SCYL3: variants seen among roughly 807,000 people sequenced by gnomAD.
SCYL3 encodes the protein protein-associating with the carboxyl-terminal domain of ezrin.
In SCYL3, 35 loss-of-function variants were observed where a neutral mutation model predicts 73.8. The ratio of observed to expected loss-of-function variants is 0.47; its 90% CI spans 0.36 to 0.63. The LOEUF is 0.63. SCYL3 is among the 20% of genes least tolerant of loss of function. The pLI, the probability that SCYL3 is intolerant of heterozygous loss-of-function variation, is 0.00. For missense variants in SCYL3, 712 were observed against 798.9 expected (o/e 0.89, Z 1.31); for synonymous variants, 277 against 295.2 (o/e 0.94, Z 0.63).
Position 169,893,863 on chromosome 1 carries a change from C to A in SCYL3, c.-126G>T, listed in dbSNP as rs1381682015. The A allele has an allele frequency of 6.5e-6, 1 of 153,198 alleles. No individual in the cohort carries two copies. Among genetic ancestry groups the A allele is most frequent in the Non-Finnish European group, 1.5e-5 (1 of 68,870 alleles). The allele number at this position is 153,198 out of a possible 1,614,324, so 9.5% of individuals were successfully genotyped here. On this transcript the variant is annotated 5_prime_UTR_variant, in exon 1 of 13. Transcript: ENST00000367771. ...TGTTGGCCCCCCTGTTGACACCAAC[C>A]ACCCCTGCCTGCCTGTAAGGCTGTG...
At position 169,887,464 on chromosome 1, in the gene SCYL3, G is replaced by A. The variant is rs191652481; in HGVS notation, c.165+1212C>T. ...AAGAAAGATAAGTCTCTAGTACCTC[G>A]CCGATAATAGTTTATTAAAAAAAAT... On this transcript the variant is annotated intron_variant, in intron 2 of 12. Transcript: ENST00000367771. Among the ~76,000 whole-genome samples the A allele has an allele frequency of 4.2e-3, 639 of 152,020 alleles. 4 individuals are homozygous for A. The highest frequency in any genetic ancestry group is 0.014 in the African/African-American group (567 of 41,448).
At chr1:169,867,190 A>C (rs1229110303) in intron 7 of SCYL3, among the ~76,000 whole-genome samples, 1 of 152,240 alleles carries the variant, frequency 6.6e-6, no homozygotes, top group Non-Finnish European at 1.5e-5. Flanking sequence ...TGTGACGAGG[A>C]TACAAGTTTA....
chr1:169,887,710 C>T (rs756914164), intron 2 of SCYL3, among the ~76,000 whole-genome samples: 1 of 152,138 alleles, frequency 6.6e-6, no homozygotes, highest in Non-Finnish European at 1.5e-5. Flanking sequence ...CCACGCATCT[C>T]GAGAGAACTG....
Position 169,852,667 on chromosome 1 carries a change from TCCTCCTAC to T in SCYL3, c.*1038_*1045del. ...GACTGTGTAGGGGTTTTGGGGTGCA[TCCTCCTAC>T]CCTTGTGATCCAATGACTAGAATAA... On this transcript the variant is annotated 3_prime_UTR_variant, in exon 13 of 13. Coordinates refer to ENST00000367771, the MANE Select transcript of SCYL3 (RefSeq NM_020423.7). 1 of 1,021,904 alleles carries T rather than the reference TCCTCCTAC, an allele frequency of 9.8e-7. No individual in the cohort carries two copies. The highest frequency in any genetic ancestry group is 1.4e-6 in the Non-Finnish European group (1 of 697,620). 63.3% of individuals were successfully genotyped at this position (1,021,904 alleles called of 1,614,324 possible).
intron 7 of SCYL3, among the ~76,000 whole-genome samples, chr1:169,868,506 A>G (rs186206041): frequency 1.3e-3 from 202 of 152,370 alleles, no homozygotes; most frequent in African/African-American, 4.7e-3. Context: ...GACAAAGAAT[A>G]TGAACTCATT....
chr1:169,852,525 C>T lies in SCYL3; in HGVS notation c.*1188G>A. 1 of 470,312 alleles carries T rather than the reference C, an allele frequency of 2.1e-6. No individual in the cohort carries two copies. Among genetic ancestry groups the T allele is most frequent in the Non-Finnish European group, 3.8e-6 (1 of 264,082 alleles). 29.1% of individuals were successfully genotyped at this position (470,312 alleles called of 1,614,324 possible). On this transcript the variant is annotated 3_prime_UTR_variant, in exon 13 of 13. Coordinates refer to ENST00000367771, the MANE Select transcript of SCYL3 (RefSeq NM_020423.7). ...TAAGCTTGGACTATGCAGCACTTCT[C>T]ATTGGGAGCCCTTTGGGACAGGATA...
At chr1:169,857,519 T>C (rs1029526623) in intron 11 of SCYL3, among the ~76,000 whole-genome samples, 14 of 152,204 alleles carry the variant, frequency 9.2e-5, no homozygotes, top group African/African-American at 3.1e-4. Flanking sequence ...AAGATATTCA[T>C]TGCAGCACTG....
At chr1:169,891,094 C>G (rs960628402) in intron 1 of SCYL3, among the ~76,000 whole-genome samples, 2 of 152,282 alleles carry the variant, frequency 1.3e-5, no homozygotes, top group Middle Eastern at 3.4e-3. Flanking sequence ...GATAAACTGG[C>G]CAGATCATTG....
intron 10 of SCYL3, among the ~76,000 whole-genome samples, chr1:169,861,435 GGAGA>G (rs1194280646): frequency 6.6e-6 from 1 of 152,150 alleles, no homozygotes; most frequent in African/African-American, 2.4e-5. Context: ...GAAAATTCAT[GGAGA>G]GAAAGGCGCA....
intron 1 of SCYL3, among the ~76,000 whole-genome samples, chr1:169,891,502 C>A (rs924888353): frequency 2.6e-5 from 4 of 152,176 alleles, no homozygotes; most frequent in Non-Finnish European, 5.9e-5. Context: ...GCCTGAAAAG[C>A]CAGTCAGACT....
chr1:169,862,682 C>T lies in SCYL3; in HGVS notation c.1071G>A (p.Leu357=). Residue 357 remains leucine, a synonymous_variant, in exon 10 of 13, where the codon CTG becomes CTA. Transcript: ENST00000367771. ...EVHEEHVRMV[L]LSHIEAYVEH... ...CCACGTAGGCCTCGATGTGAGACAGCAGCACCATCCGCACATGCTCTTCAT... is the reference window on the plus strand; with the variant it reads ...CCACGTAGGCCTCGATGTGAGACAGTAGCACCATCCGCACATGCTCTTCAT... 1 of 1,614,224 alleles carries T rather than the reference C, an allele frequency of 6.2e-7. No individual in the cohort carries two copies. Among genetic ancestry groups the T allele is most frequent in the Middle Eastern group, 1.6e-4 (1 of 6,062 alleles).
chr1:169,861,526 A>T (rs1261353369), intron 10 of SCYL3, among the ~76,000 whole-genome samples: 2 of 152,228 alleles, frequency 1.3e-5, no homozygotes, highest in Non-Finnish European at 2.9e-5. Flanking sequence ...CAGATGACTG[A>T]AGACTCAGCT....
At chr1:169,856,369 A>G (rs527412128) in intron 11 of SCYL3, among the ~76,000 whole-genome samples, 1 of 152,260 alleles carries the variant, frequency 6.6e-6, no homozygotes, top group East Asian at 1.9e-4. Flanking sequence ...TATACACTTA[A>G]AAGTAGTTAA....
intron 1 of SCYL3, among the ~76,000 whole-genome samples, chr1:169,890,452 A>G (rs1410511294): frequency 2.6e-5 from 4 of 152,218 alleles, no homozygotes; most frequent in Admixed American, 2.0e-4. Context: ...TAAAATCTGT[A>G]TTCTTTGGAC....
intron 3 of SCYL3, among the ~76,000 whole-genome samples, chr1:169,877,147 G>A (rs1660906962): frequency 1.3e-5 from 2 of 152,022 alleles, no homozygotes; most frequent in African/African-American, 2.4e-5. Context: ...TATGTTTAAA[G>A]TTATTATGTA....
intron 12 of SCYL3, 86 bp downstream of exon 12, chr1:169,854,184 G>C: frequency 9.7e-7 from 1 of 1,034,282 alleles, no homozygotes; most frequent in Middle Eastern, 2.1e-4. Context: ...ATAGCATGTT[G>C]CTTGTTATAA....
intron 9 of SCYL3, among the ~76,000 whole-genome samples, 158 bp from the exon 10 acceptor site, chr1:169,862,955 C>T (rs1457576613): frequency 2.6e-5 from 4 of 152,160 alleles, no homozygotes; most frequent in African/African-American, 4.8e-5. Context: ...CTCTGTCACC[C>T]ATGCTGGAGT....
rs1658744425 is a variant in SCYL3 at position 169,853,771 on chromosome 1, C to T, written c.2009G>A (p.Gly670Glu). 1.2e-6 allele frequency: 2 copies of T among 1,613,768 alleles called. No individual in the cohort carries two copies. Among genetic ancestry groups the T allele is most frequent in the Non-Finnish European group, 1.7e-6 (2 of 1,179,926 alleles). The change falls in exon 13 of 13, where the codon GGA becomes GAA. Residue 670 changes from glycine to glutamate, a missense_variant and splice_region_variant. Gly to Glu is a moderately conservative substitution (Grantham distance 98). This residue lies in a region of SCYL3 where 370 missense variants were observed against 350.8 expected (regional missense o/e 1.05). Transcript: ENST00000367771. ...TTCTTCTTCCCAGCCTTCAGCCTCT[C>T]CCTGCAACAAAATAAAGCACACCAA... is the stretch of plus-strand genomic sequence containing the variant. ...SKFAAAEITE[G>E]EAEGWEEEGE... is the part of the protein sequence containing the mutation.
intron 1 of SCYL3, among the ~76,000 whole-genome samples, chr1:169,891,761 G>A (rs968695296): frequency 3.3e-5 from 5 of 152,200 alleles, no homozygotes; most frequent in African/African-American, 1.2e-4. Context: ...GCTGATGAAT[G>A]GCAGTCACCA....
Sources: gnomAD v4.1 joint callset for allele counts (sites outside exome capture counted in the v4.1 genomes callset) on GRCh38, gnomAD v4.1.1 for gene constraint, gnomAD v4.1.1 regional missense constraint, MANE v1.5 for transcripts, NCBI Gene and HGNC (gene_info 2026-07-23, HGNC 2026-07-21) for gene names.